Variants in PBLD observed in about 807,000 individuals in gnomAD.
PBLD encodes phenazine biosynthesis like protein domain containing, also known as phenazine biosynthesis-like domain-containing protein.
A neutral mutation model predicts 31.3 loss-of-function variants in PBLD; 26 were observed. The ratio of observed to expected loss-of-function variants is 0.83; its 90% CI spans 0.61 to 1.15. The LOEUF is 1.15. PBLD is among the 50% of genes most tolerant of loss of function. The pLI, the probability that PBLD is intolerant of heterozygous loss-of-function variation, is 0.00. For synonymous variants in PBLD, 114 were observed against 129.0 expected (o/e 0.88, Z 0.79); for missense variants, 307 against 351.7 (o/e 0.87, Z 1.02).
At chr10:68,302,414 C>T (rs1455573457) in intron 2 of PBLD, among the ~76,000 whole-genome samples, 1 of 152,144 alleles carries the variant, frequency 6.6e-6, no homozygotes, top group Admixed American at 6.5e-5. Context: ...AATATGGCAA[C>T]CTGAATATGA....
At chr10:68,319,112 G>GAAAGAAAGA (rs1564737587) in intron 1 of PBLD, among the ~76,000 whole-genome samples, 3 of 48,402 alleles carry the variant, frequency 6.2e-5, no homozygotes, top group East Asian at 9.1e-4. Context: ...AGAAAGAAAG[G>GAAAGAAAGA]AAAAAGAAAG....
chr10:68,307,482 G>T (rs1490949510), intron 1 of PBLD, among the ~76,000 whole-genome samples: 1 of 151,766 alleles, frequency 6.6e-6, no homozygotes, highest in African/African-American at 2.4e-5. Flanking sequence ...AACTAGCTTA[G>T]GATCTGTTTT....
intron 2 of PBLD, among the ~76,000 whole-genome samples, chr10:68,298,757 TACACACACACACACACACACACAC>T (rs57358655): frequency 6.8e-6 from 1 of 147,172 alleles, no homozygotes; most frequent in Non-Finnish European, 1.5e-5. Flanking sequence ...TGCATACGAA[TACACACACACACACACACACACAC>T]ACACACACAC....
chr10:68,322,810 C>T (rs553209482), intron 1 of PBLD, among the ~76,000 whole-genome samples: 24 of 151,950 alleles, frequency 1.6e-4, no homozygotes, highest in African/African-American at 5.1e-4. Context: ...TGGAGTGCAG[C>T]GGTACAATCA....
chr10:68,327,695 A>AAT (rs1254028671), intron 1 of PBLD, among the ~76,000 whole-genome samples: 1 of 151,610 alleles, frequency 6.6e-6, no homozygotes, highest in Non-Finnish European at 1.5e-5. Flanking sequence ...AAAAAAAAAA[A>AAT]ATCACGTTGG....
rs377457181 is a variant in PBLD, at chr10:68,307,504, T to C, written c.-59-601A>G. On this transcript the variant is annotated intron_variant, in intron 1 of 9. Transcript: ENST00000358769. ...TTAGGATCTGTTTTTTGTTTTGTTT[T>C]GTTTTGTTTTTTTGAGACGGAGCAT... 7.9e-5 allele frequency among the ~76,000 whole-genome samples: 12 copies of C among 152,224 alleles called. No homozygotes were observed. In the East Asian group the frequency reaches 2.3e-3, roughly 29 times the overall value.
At chr10:68,299,017 G>A (rs543785221) in intron 2 of PBLD, among the ~76,000 whole-genome samples, 28 of 149,434 alleles carry the variant, frequency 1.9e-4, no homozygotes, top group Admixed American at 1.4e-3. Flanking sequence ...TGAGGCAGGC[G>A]AGTTGCTTGA....
intron 4 of PBLD, among the ~76,000 whole-genome samples, chr10:68,293,140 ATGAACC>A (rs1409763328): frequency 1.3e-5 from 2 of 152,236 alleles, no homozygotes. Flanking sequence ...GATTACAGGC[ATGAACC>A]ACTGCACCCA....
intron 1 of PBLD, among the ~76,000 whole-genome samples, chr10:68,319,047 AAGAGAG>A (rs745362764): frequency 1.8e-5 from 2 of 111,248 alleles, no homozygotes; most frequent in African/African-American, 6.5e-5. Context: ...GAAAGAAAGA[AAGAGAG>A]AGAAAGAAAG....
At chr10:68,322,140 T>C (rs2044844227) in intron 1 of PBLD, among the ~76,000 whole-genome samples, 1 of 152,156 alleles carries the variant, frequency 6.6e-6, no homozygotes, top group South Asian at 2.1e-4. Flanking sequence ...GGATGGCACT[T>C]TACCTCTGTG....
In PBLD at chr10:68,306,127, T is replaced by C. The variant is rs140004387; in HGVS notation, c.84+634A>G. Among the ~76,000 whole-genome samples the C allele has an allele frequency of 2.0e-4, 28 of 138,516 alleles. 1 individual carries two copies. The East Asian group carries it at 6.0e-3, about 30-fold the overall frequency. The allele number at this position is 138,516 out of a possible 152,430, so 90.9% of individuals were successfully genotyped here. A position where few individuals can be genotyped will look rare whatever the true frequency, so the allele number is the denominator to read the frequency against. ...TAACTATTAACAATATTTAAATATT[T>C]AACTATTCTATTAATATTTATCTAT... On this transcript the variant is annotated intron_variant, in intron 2 of 9. Transcript: ENST00000358769.
At chr10:68,318,044 A>G (rs1013182371) in intron 1 of PBLD, among the ~76,000 whole-genome samples, 17 of 152,160 alleles carry the variant, frequency 1.1e-4, no homozygotes, top group Admixed American at 6.6e-4. Flanking sequence ...TGGATAACAC[A>G]GGGAAACCCC....
At chr10:68,315,155 T>C (rs1183443197) in intron 1 of PBLD, among the ~76,000 whole-genome samples, 1 of 152,126 alleles carries the variant, frequency 6.6e-6, no homozygotes. Context: ...TCAAGGGTTG[T>C]TTGTCAAAAA....
intron 1 of PBLD, among the ~76,000 whole-genome samples, chr10:68,324,879 G>C (rs1446464911): frequency 6.7e-6 from 1 of 150,204 alleles, no homozygotes; most frequent in Non-Finnish European, 1.5e-5. Flanking sequence ...GCCTCCCAAA[G>C]TGCTGGGATT....
chr10:68,284,865 C>T (rs1193471956), intron 9 of PBLD, among the ~76,000 whole-genome samples: 1 of 152,186 alleles, frequency 6.6e-6, no homozygotes, highest in Non-Finnish European at 1.5e-5. Flanking sequence ...TTGCTCTCTC[C>T]AAATCAGGGT....
intron 8 of PBLD, 158 bp downstream of exon 8, chr10:68,288,325 G>T: frequency 1.3e-6 from 1 of 747,920 alleles, no homozygotes; most frequent in Non-Finnish European, 2.1e-6. Flanking sequence ...TTTCATGGAA[G>T]ACTTCAGTGA....
chr10:68,297,364 C>G (rs1229127426), intron 2 of PBLD, among the ~76,000 whole-genome samples: 1 of 152,190 alleles, frequency 6.6e-6, no homozygotes, highest in Non-Finnish European at 1.5e-5. Context: ...AGCACTCACT[C>G]TGGGCAGGCT....
intron 1 of PBLD, among the ~76,000 whole-genome samples, chr10:68,325,012 G>A (rs1488351730): frequency 5.3e-5 from 8 of 150,856 alleles, no homozygotes; most frequent in African/African-American, 1.7e-4. Flanking sequence ...TTGGGAGGCC[G>A]AGACAGGCAG....
chr10:68,287,112 A>G (rs2044298857), intron 8 of PBLD: 2 of 151,168 alleles, frequency 1.3e-5, no homozygotes, highest in African/African-American at 2.4e-5. Flanking sequence ...CTGGGCAAAA[A>G]AAAAAAAAAA....
Sources: allele counts gnomAD v4.1 joint callset (sites outside exome capture counted in the v4.1 genomes callset), GRCh38; gene constraint gnomAD v4.1.1; transcripts MANE v1.5; gene names NCBI Gene and HGNC (gene_info 2026-07-23, HGNC 2026-07-21).